SKAP1: variants seen among roughly 807,000 people sequenced by gnomAD.
SKAP1 encodes the protein src kinase-associated phosphoprotein 1.
In SKAP1, 44 loss-of-function variants were observed where a neutral mutation model predicts 58.5. That is an observed-to-expected ratio of 0.75 (90% CI 0.59 to 0.97). The LOEUF (loss-of-function observed/expected upper bound fraction) is 0.97, where lower values mean the gene tolerates loss of function less well. Ranked by LOEUF, SKAP1 falls within the 50% of genes least tolerant of loss-of-function variation. The pLI is 0.00. For missense variants in SKAP1, 390 were observed against 435.2 expected (o/e 0.90, Z 0.92); for synonymous variants, 127 against 149.7 (o/e 0.85, Z 1.11).
At chr17:48,438,834 A>T in the SKAP1 span, among the ~76,000 whole-genome samples, 1 of 152,220 alleles carries the variant, frequency 6.6e-6, no homozygotes, top group African/African-American at 2.4e-5. Flanking sequence ...TAAGCTCTAC[A>T]GAAGGGCTGG....
At chr17:48,197,951 G>A (rs1402331010) in intron 4 of SKAP1, among the ~76,000 whole-genome samples, 1 of 152,070 alleles carries the variant, frequency 6.6e-6, no homozygotes, top group African/African-American at 2.4e-5. Context: ...AAAGTGTCAG[G>A]AAAAAGCCCT....
chr17:48,191,573 G>A (rs564177269), intron 4 of SKAP1, among the ~76,000 whole-genome samples: 1 of 152,282 alleles, frequency 6.6e-6, no homozygotes, highest in Admixed American at 6.5e-5. Context: ...TTTGCTCAGT[G>A]CTTTTCCTAC....
intron 1 of SKAP1, among the ~76,000 whole-genome samples, chr17:48,422,383 A>C (rs2067805256): frequency 6.6e-6 from 1 of 152,258 alleles, no homozygotes; most frequent in Admixed American, 6.5e-5. Context: ...AATTTTATTT[A>C]TCAGACATTT....
In SKAP1 at chr17:48,189,677, C is replaced by CT. The variant is rs891672689; in HGVS notation, c.281-178dup. ...GGAAAAGTAAATTTTCTTGCTTTTT[C>CT]TTTTTTTTTTTTTGAGACAGAGTCT... is the stretch of plus-strand genomic sequence containing the variant. On this transcript the variant is annotated intron_variant, in intron 4 of 12. Coordinates refer to ENST00000336915, the MANE Select transcript of SKAP1 (RefSeq NM_003726.4). Among the ~76,000 whole-genome samples, 1,039 of 143,460 alleles carry CT rather than the reference C, an allele frequency of 7.2e-3. 16 individuals carry two copies. The highest frequency in any genetic ancestry group is 0.022 in the African/African-American group (874 of 39,486). 94.1% of individuals were successfully genotyped at this position (143,460 alleles called of 152,430 possible). A position where few individuals can be genotyped will look rare whatever the true frequency, so the allele number is the denominator to read the frequency against.
intron 1 of SKAP1, among the ~76,000 whole-genome samples, chr17:48,397,371 G>A (rs1277024404): frequency 1.1e-4 from 17 of 152,118 alleles, no homozygotes; most frequent in African/African-American, 4.1e-4. Flanking sequence ...GACTACAGGC[G>A]CATGCCGCCA....
chr17:48,248,456 AC>A (rs2065321779), intron 4 of SKAP1, among the ~76,000 whole-genome samples: 1 of 152,106 alleles, frequency 6.6e-6, no homozygotes, highest in Non-Finnish European at 1.5e-5. Context: ...AATCCCAGCT[AC>A]TCATGAGGCT....
At chr17:48,229,386 C>A (rs1004906618) in intron 4 of SKAP1, among the ~76,000 whole-genome samples, 1 of 151,980 alleles carries the variant, frequency 6.6e-6, no homozygotes, top group Non-Finnish European at 1.5e-5. Context: ...TTTGGGAGGA[C>A]GAGGTGGGCA....
At chr17:48,384,235 G>A (rs1306153554) in intron 2 of SKAP1, among the ~76,000 whole-genome samples, 3 of 152,160 alleles carry the variant, frequency 2.0e-5, no homozygotes, top group Admixed American at 2.0e-4. Context: ...CCTTGTTGAT[G>A]GTTTGGGGAG....
intron 4 of SKAP1, among the ~76,000 whole-genome samples, chr17:48,213,282 G>A (rs1436634062): frequency 6.7e-6 from 1 of 148,508 alleles, no homozygotes; most frequent in Non-Finnish European, 1.5e-5. Context: ...TGAACACCAC[G>A]GAGGTTGCAG....
intron 4 of SKAP1, among the ~76,000 whole-genome samples, chr17:48,330,807 T>C (rs1391431512): frequency 6.7e-6 from 1 of 149,618 alleles, no homozygotes; most frequent in Non-Finnish European, 1.5e-5. Flanking sequence ...TAGTAGCCAG[T>C]TTTTCCCCAG....
chr17:48,204,949 C>A (rs1261644195), intron 4 of SKAP1, among the ~76,000 whole-genome samples: 1 of 120,196 alleles, frequency 8.3e-6, no homozygotes, highest in Non-Finnish European at 1.8e-5. Flanking sequence ...TCCTCCCTCC[C>A]TCCTTCCTCT....
chr17:48,306,141 C>T (rs756147584), intron 4 of SKAP1, among the ~76,000 whole-genome samples: 1 of 152,170 alleles, frequency 6.6e-6, no homozygotes, highest in African/African-American at 2.4e-5. Context: ...ATTTTTGTTG[C>T]TGCAAAACCT....
intron 4 of SKAP1, among the ~76,000 whole-genome samples, chr17:48,325,752 G>A (rs1176858696): frequency 6.6e-6 from 1 of 152,144 alleles, no homozygotes; most frequent in Non-Finnish European, 1.5e-5. Flanking sequence ...ATCCATAGGT[G>A]TTAAATAAAA....
chr17:48,393,380 A>G (rs1477642299), intron 2 of SKAP1, among the ~76,000 whole-genome samples: 1 of 152,188 alleles, frequency 6.6e-6, no homozygotes, highest in Non-Finnish European at 1.5e-5. Context: ...AAAGATAGCT[A>G]TTTTTTGTTT....
intron 4 of SKAP1, among the ~76,000 whole-genome samples, chr17:48,276,296 C>A (rs950318322): frequency 1.3e-5 from 2 of 152,206 alleles, no homozygotes; most frequent in Admixed American, 1.3e-4. Context: ...ACTTATCCTT[C>A]AAGATTTGGC....
intron 1 of SKAP1, among the ~76,000 whole-genome samples, chr17:48,418,454 T>C (rs961522621): frequency 1.3e-5 from 2 of 152,152 alleles, no homozygotes; most frequent in African/African-American, 4.8e-5. Flanking sequence ...AAGACTGCAA[T>C]ACCAAATGTT....
intron 1 of SKAP1, among the ~76,000 whole-genome samples, chr17:48,401,266 A>G (rs1208982400): frequency 1.3e-5 from 2 of 152,014 alleles, no homozygotes; most frequent in East Asian, 1.9e-4. Flanking sequence ...AGATCATGCC[A>G]CTGCACTCCA....
chr17:48,313,699 GA>G (rs1250118040), intron 4 of SKAP1, among the ~76,000 whole-genome samples: 2 of 152,188 alleles, frequency 1.3e-5, no homozygotes, highest in African/African-American at 4.8e-5. Context: ...ACAAGGTTCT[GA>G]AATTTTCTGA....
chr17:48,383,981 C>T (rs1185266276), intron 2 of SKAP1, among the ~76,000 whole-genome samples: 2 of 152,104 alleles, frequency 1.3e-5, no homozygotes, highest in Non-Finnish European at 2.9e-5. Context: ...CTGCCTCAGC[C>T]TCTCAAAGTG....
Sources: allele counts gnomAD v4.1 joint callset (sites outside exome capture counted in the v4.1 genomes callset), GRCh38; gene constraint gnomAD v4.1.1; transcripts MANE v1.5; gene names NCBI Gene and HGNC (gene_info 2026-07-23, HGNC 2026-07-21).